Variants in PCNT observed in about 807,000 individuals in gnomAD.
The protein encoded by PCNT is kendrin.
Under a neutral mutation model 380.4 loss-of-function variants are expected in PCNT, and 319 were observed. The observed-to-expected ratio is 0.84, with a 90% CI of 0.77 to 0.92. The LOEUF (loss-of-function observed/expected upper bound fraction) is 0.92, where lower values mean the gene tolerates loss of function less well. PCNT is among the 40% of genes least tolerant of loss of function. The probability of loss-of-function intolerance (pLI) is 0.00; values close to 1 mark genes in which losing one functional copy is unlikely to be tolerated. For synonymous variants in PCNT, 1,845 were observed against 1,735.2 expected (o/e 1.06, Z -1.57); for missense variants, 4,400 against 4,255.3 (o/e 1.03, Z -0.95).
intron 27 of PCNT, among the ~76,000 whole-genome samples, chr21:46,403,346 C>T (rs367953462): frequency 6.8e-5 from 9 of 131,740 alleles, no homozygotes; most frequent in East Asian, 2.3e-4. Flanking sequence ...GGTGCCCACG[C>T]GGCGCGTGCT....
At chr21:46,427,268 G>C (rs1228178116) in intron 33 of PCNT, among the ~76,000 whole-genome samples, 2 of 152,200 alleles carry the variant, frequency 1.3e-5, no homozygotes, top group Non-Finnish European at 2.9e-5. Context: ...TTCTGTCAGG[G>C]TCATTTCTGT....
intron 41 of PCNT, 30 bp downstream of exon 41, chr21:46,438,367 C>T (rs774610786): frequency 1.2e-6 from 2 of 1,603,824 alleles, no homozygotes; most frequent in Non-Finnish European, 8.5e-7. Flanking sequence ...TCTTACCTGC[C>T]TCAGCCTAAC....
intron 39 of PCNT, among the ~76,000 whole-genome samples, chr21:46,436,470 GCCCCCCCCCC>G (rs1158167144): frequency 2.1e-4 from 1 of 4,748 alleles, no homozygotes; most frequent in Non-Finnish European, 5.6e-4. Context: ...GCCTCCTGTG[GCCCCCCCCCC>G]CCCCCCCCGC....
rs1190517793 is a variant in PCNT, at chr21:46,430,641, G to A, written c.8048G>A (p.Ser2683Asn). The A allele has an allele frequency of 6.4e-7, 1 of 1,571,058 alleles. No individual in the cohort carries two copies. Among genetic ancestry groups the A allele is most frequent in the Non-Finnish European group, 8.6e-7 (1 of 1,158,756 alleles). ...CGGCACCTGCAGAGGGAGAGCCAGA[G>A]TGCCAAGGCCCTGGAGGTAACAGGG... Reference protein sequence around the residue: ...QLRHLQRESQSAKALEELRAS... With the variant: ...QLRHLQRESQNAKALEELRAS... The change falls in exon 37 of 47, where the codon AGT becomes AAT. Residue 2683 changes from serine (S) to asparagine (N), a missense_variant. Transcript: ENST00000359568.
At chr21:46,378,846 C>T (rs925521790) in intron 15 of PCNT, among the ~76,000 whole-genome samples, 2 of 152,194 alleles carry the variant, frequency 1.3e-5, no homozygotes, top group Non-Finnish European at 2.9e-5. Flanking sequence ...GCCCTTTGTG[C>T]TCATATTGTC....
chr21:46,433,663 C>A (rs538809261), intron 38 of PCNT, among the ~76,000 whole-genome samples: 1 of 152,126 alleles, frequency 6.6e-6, no homozygotes, highest in Admixed American at 6.5e-5. Flanking sequence ...TTGATTGTTT[C>A]TTAAAAAAAA....
intron 29 of PCNT, among the ~76,000 whole-genome samples, chr21:46,415,080 T>C (rs959747863): frequency 6.6e-6 from 1 of 152,258 alleles, no homozygotes; most frequent in Admixed American, 6.5e-5. Context: ...CTCGCAGCCC[T>C]CGTGAGTGTC....
chr21:46,403,848 C>T (rs1432469663), intron 27 of PCNT, among the ~76,000 whole-genome samples: 1 of 118,676 alleles, frequency 8.4e-6, no homozygotes, highest in Non-Finnish European at 1.7e-5. Flanking sequence ...GTGGGAGAAT[C>T]GTGTATGTGT....
intron 8 of PCNT, among the ~76,000 whole-genome samples, chr21:46,350,376 C>G (rs1026159280): frequency 6.6e-6 from 1 of 152,130 alleles, no homozygotes; most frequent in African/African-American, 2.4e-5. Flanking sequence ...GCCACATCCT[C>G]TAACCGTGAT....
intron 27 of PCNT, 43 bp downstream of exon 27, chr21:46,402,526 T>C: frequency 1.9e-6 from 3 of 1,609,274 alleles, no homozygotes; most frequent in Non-Finnish European, 2.6e-6. Flanking sequence ...TTCATGTTGC[T>C]TATGCCGGTG....
chr21:46,395,031 G>A (rs998620484), intron 21 of PCNT, among the ~76,000 whole-genome samples: 4 of 152,250 alleles, frequency 2.6e-5, no homozygotes, highest in African/African-American at 7.2e-5. Flanking sequence ...TCGTGTCCAG[G>A]CCCAGGGAGT....
chr21:46,345,374 C>T (rs1033144749), intron 3 of PCNT, among the ~76,000 whole-genome samples: 9 of 151,996 alleles, frequency 5.9e-5, no homozygotes, highest in African/African-American at 1.5e-4. Context: ...CCCGCCACCA[C>T]GCCTGGCTAA....
chr21:46,432,783 C>T (rs1179688013), intron 38 of PCNT, among the ~76,000 whole-genome samples: 1 of 152,116 alleles, frequency 6.6e-6, no homozygotes, highest in Non-Finnish European at 1.5e-5. Flanking sequence ...TGCCACCACG[C>T]CTGGCTAATT....
intron 11 of PCNT, among the ~76,000 whole-genome samples, chr21:46,354,288 C>T (rs561453353): frequency 2.6e-5 from 4 of 152,306 alleles, no homozygotes; most frequent in African/African-American, 7.2e-5. Flanking sequence ...CGGAGCCCCT[C>T]CCTCAGCCCT....
intron 3 of PCNT, among the ~76,000 whole-genome samples, chr21:46,341,824 A>T (rs899940694): frequency 1.3e-5 from 2 of 152,012 alleles, no homozygotes; most frequent in African/African-American, 4.8e-5. Flanking sequence ...GAACACAGGC[A>T]TGCACCACCA....
intron 2 of PCNT, among the ~76,000 whole-genome samples, chr21:46,331,241 T>A (rs1037565610): frequency 2.0e-5 from 3 of 152,026 alleles, no homozygotes; most frequent in Non-Finnish European, 4.4e-5. Flanking sequence ...ACTTCAGCCT[T>A]GACCTCCCTG....
chr21:46,379,571 C>G (rs1249329786), intron 15 of PCNT, among the ~76,000 whole-genome samples: 1 of 152,132 alleles, frequency 6.6e-6, no homozygotes, highest in Non-Finnish European at 1.5e-5. Flanking sequence ...GCCCTTTTCT[C>G]TCCCTCTGTC....
chr21:46,325,261 C>T, intron 1 of PCNT: 8 of 935,272 alleles, frequency 8.6e-6, no homozygotes, highest in Non-Finnish European at 1.0e-5. Flanking sequence ...TGGGGAAGAG[C>T]GGGGCTCCCG....
chr21:46,326,704 G>C (rs376984144), intron 2 of PCNT, 115 bp downstream of exon 2: 3 of 1,151,498 alleles, frequency 2.6e-6, no homozygotes. Flanking sequence ...GAGGAAAGAG[G>C]GTGTTATTTT....
Sources: allele counts gnomAD v4.1 joint callset (sites outside exome capture counted in the v4.1 genomes callset), GRCh38; gene constraint gnomAD v4.1.1; transcripts MANE v1.5; gene names NCBI Gene and HGNC (gene_info 2026-07-23, HGNC 2026-07-21).